GABRG3: variants seen among roughly 807,000 people sequenced by gnomAD.
The protein encoded by GABRG3 is gamma-aminobutyric acid type A receptor subunit gamma3.
Under a neutral mutation model 48.8 loss-of-function variants are expected in GABRG3, and 25 were observed. That is an observed-to-expected ratio of 0.51 (90% CI 0.37 to 0.72). The LOEUF (loss-of-function observed/expected upper bound fraction) is 0.72, where lower values mean the gene tolerates loss of function less well. Ranked by LOEUF, GABRG3 falls within the 30% of genes least tolerant of loss-of-function variation. The pLI, the probability that GABRG3 is intolerant of heterozygous loss-of-function variation, is 0.00. For synonymous variants in GABRG3, 227 were observed against 217.6 expected (o/e 1.04, Z -0.38); for missense variants, 394 against 577.9 (o/e 0.68, Z 3.26).
At chr15:27,308,430 T>C (rs1204119999) in intron 3 of GABRG3, among the ~76,000 whole-genome samples, 1 of 145,868 alleles carries the variant, frequency 6.9e-6, no homozygotes, top group African/African-American at 2.5e-5. Context: ...AATGTAAACA[T>C]ACCTGTTTAT....
At chr15:27,139,267 G>C (rs748676284) in intron 3 of GABRG3, among the ~76,000 whole-genome samples, 5 of 151,752 alleles carry the variant, frequency 3.3e-5, no homozygotes, top group Non-Finnish European at 5.9e-5. Context: ...GGCTGGTTTG[G>C]GGGGTGCAGA....
At chr15:27,495,567 G>A (rs1890465559) in intron 6 of GABRG3, among the ~76,000 whole-genome samples, 1 of 152,212 alleles carries the variant, frequency 6.6e-6, no homozygotes, top group Non-Finnish European at 1.5e-5. Flanking sequence ...AGGAAAGTCT[G>A]TTGTATAATT....
intron 3 of GABRG3, among the ~76,000 whole-genome samples, chr15:27,306,827 TACAATATAAACATGTTTATATATAAAC>T (rs1892524925): frequency 1.1e-5 from 1 of 88,928 alleles, no homozygotes; most frequent in African/African-American, 5.6e-5. Flanking sequence ...TATATAAACA[TACAATATAAACATGTTTATATATAAAC>T]ATACAATATA....
chr15:27,408,644 C>T (rs918729973), intron 5 of GABRG3, among the ~76,000 whole-genome samples: 1 of 152,160 alleles, frequency 6.6e-6, no homozygotes, highest in African/African-American at 2.4e-5. Flanking sequence ...ATTCCAGAGA[C>T]TTCCAGTGTG....
At chr15:27,507,622 G>A (rs2150856994) in intron 6 of GABRG3, among the ~76,000 whole-genome samples, 1 of 152,274 alleles carries the variant, frequency 6.6e-6, no homozygotes, top group Non-Finnish European at 1.5e-5. Flanking sequence ...AGAAGAATAT[G>A]TATTCTGCTG....
chr15:27,488,783 G>C (rs1194108099), intron 6 of GABRG3, among the ~76,000 whole-genome samples: 1 of 152,110 alleles, frequency 6.6e-6, no homozygotes, highest in African/African-American at 2.4e-5. Flanking sequence ...ATGAGACATA[G>C]GAGTGAAGAT....
chr15:27,064,867 T>G (rs1896711096), intron 3 of GABRG3, among the ~76,000 whole-genome samples: 1 of 152,238 alleles, frequency 6.6e-6, no homozygotes, highest in African/African-American at 2.4e-5. Flanking sequence ...AAATCAGGAC[T>G]GAGTCCCACC....
chr15:27,482,479 A>G (rs1249569970), intron 6 of GABRG3, among the ~76,000 whole-genome samples: 1 of 151,670 alleles, frequency 6.6e-6, no homozygotes, highest in African/African-American at 2.4e-5. Context: ...TAAATGATTG[A>G]CATTTTCACA....
rs1273574888 is a variant in GABRG3 at position 27,538,976 on chromosome 15, G to A, written c.*6095G>A. On this transcript the variant is annotated 3_prime_UTR_variant, in exon 10 of 10. Transcript: ENST00000615808. ...CCCAAGATGTCAGTCTTCTCAAAAT[G>A]ACAACATTGTCACTAACCACTTTTT... 3 of 152,112 alleles carry A rather than the reference G, an allele frequency of 2.0e-5. No homozygotes were observed. The highest frequency in any genetic ancestry group is 2.0e-4 in the Admixed American group (3 of 15,262). The allele number at this position is 152,112 out of a possible 1,614,324, so 9.4% of individuals were successfully genotyped here.
intron 3 of GABRG3, among the ~76,000 whole-genome samples, chr15:27,311,708 C>T (rs1892999723): frequency 6.6e-6 from 1 of 151,788 alleles, no homozygotes; most frequent in Non-Finnish European, 1.5e-5. Context: ...GAGGAACTGG[C>T]TTATGTCTTG....
At chr15:27,490,148 A>G (rs1890314405) in intron 6 of GABRG3, among the ~76,000 whole-genome samples, 2 of 152,230 alleles carry the variant, frequency 1.3e-5, no homozygotes, top group Non-Finnish European at 1.5e-5. Flanking sequence ...TAGTTTTGCC[A>G]TATGGATACA....
At chr15:27,134,926 A>C (rs1897981422) in intron 3 of GABRG3, among the ~76,000 whole-genome samples, 1 of 152,166 alleles carries the variant, frequency 6.6e-6, no homozygotes, top group African/African-American at 2.4e-5. Flanking sequence ...TCCTCCATTG[A>C]CTAAAAAAAT....
chr15:26,999,131 G>GAA (rs531382705), intron 2 of GABRG3, among the ~76,000 whole-genome samples: 2 of 95,558 alleles, frequency 2.1e-5, no homozygotes, highest in African/African-American at 7.6e-5. Flanking sequence ...GAAAATATTT[G>GAA]AAAAAAAAAA....
intron 5 of GABRG3, among the ~76,000 whole-genome samples, chr15:27,338,668 T>A (rs546561184): frequency 1.1e-4 from 17 of 152,246 alleles, no homozygotes; most frequent in African/African-American, 3.6e-4. Flanking sequence ...TCAGCTTTGT[T>A]CCCTCCAGAC....
rs1891528107 is a variant in GABRG3 at position 27,535,509 on chromosome 15, C to T, written c.*2628C>T. The stretch of plus-strand genomic sequence containing the variant: ...TCCTGATCAAAACAGATGAGTTCAG[C>T]GCTCCTTTTCTAGGAAGGAGAACCT... On this transcript the variant is annotated 3_prime_UTR_variant, in exon 10 of 10. Transcript: ENST00000615808. 6.6e-6 allele frequency: 1 copy of T among 152,188 alleles called. No homozygotes were observed. Among genetic ancestry groups the T allele is most frequent in the Non-Finnish European group, 1.5e-5 (1 of 68,040 alleles). 9.4% of individuals were successfully genotyped at this position (152,188 alleles called of 1,614,324 possible).
At chr15:27,233,606 A>T (rs1354314014) in intron 3 of GABRG3, among the ~76,000 whole-genome samples, 1 of 152,052 alleles carries the variant, frequency 6.6e-6, no homozygotes, top group Non-Finnish European at 1.5e-5. Flanking sequence ...CTCATGACCT[A>T]ATTTCCTCCC....
chr15:27,294,514 C>A (rs1891911885), intron 3 of GABRG3, among the ~76,000 whole-genome samples: 1 of 152,168 alleles, frequency 6.6e-6, no homozygotes, highest in Non-Finnish European at 1.5e-5. Flanking sequence ...CCACACCTGG[C>A]CTCTTTTCCC....
At chr15:27,316,715 A>G (rs1388361268) in intron 3 of GABRG3, among the ~76,000 whole-genome samples, 1 of 152,212 alleles carries the variant, frequency 6.6e-6, no homozygotes, top group Non-Finnish European at 1.5e-5. Flanking sequence ...AGTTTCCAGC[A>G]TGACATTCAA....
intron 3 of GABRG3, among the ~76,000 whole-genome samples, chr15:27,058,236 A>C (rs1400058928): frequency 1.3e-5 from 2 of 152,242 alleles, no homozygotes; most frequent in African/African-American, 4.8e-5. Flanking sequence ...TTCTCCAAGG[A>C]AGTCCAGGTG....
Sources: gnomAD v4.1 joint callset for allele counts (sites outside exome capture counted in the v4.1 genomes callset) on GRCh38, gnomAD v4.1.1 for gene constraint, MANE v1.5 for transcripts, NCBI Gene and HGNC (gene_info 2026-07-23, HGNC 2026-07-21) for gene names.